RCSD1: variants seen among roughly 807,000 people sequenced by gnomAD.
RCSD1 encodes RCSD domain containing 1, also known as capZ-interacting protein.
Under a neutral mutation model 42.5 loss-of-function variants are expected in RCSD1, and 26 were observed. That is an observed-to-expected ratio of 0.61 (90% CI 0.45 to 0.85). The LOEUF is 0.85. RCSD1 is among the 40% of genes least tolerant of loss of function. RCSD1 has a pLI of 0.00. For missense variants in RCSD1, 571 were observed against 528.3 expected (o/e 1.08, Z -0.79); for synonymous variants, 220 against 212.2 (o/e 1.04, Z -0.32).
intron 1 of RCSD1, among the ~76,000 whole-genome samples, chr1:167,665,497 G>A (rs906107552): frequency 1.3e-5 from 2 of 152,142 alleles, no homozygotes; most frequent in African/African-American, 2.4e-5. Flanking sequence ...ATTGTTGGTA[G>A]GTGTAGTGTA....
chr1:167,655,438 G>T (rs914815594), intron 1 of RCSD1, among the ~76,000 whole-genome samples: 3 of 152,144 alleles, frequency 2.0e-5, no homozygotes, highest in Non-Finnish European at 4.4e-5. Flanking sequence ...CTGTCTACAG[G>T]TGTTTCCTAT....
chr1:167,696,392 G>A (rs1364911774), intron 5 of RCSD1, among the ~76,000 whole-genome samples: 3 of 151,652 alleles, frequency 2.0e-5, no homozygotes, highest in African/African-American at 7.3e-5. Context: ...AAACTTGTAA[G>A]ATGGTAAAAC....
At chr1:167,699,779 C>T (rs758140655) in intron 6 of RCSD1, among the ~76,000 whole-genome samples, 1 of 152,212 alleles carries the variant, frequency 6.6e-6, no homozygotes, top group Non-Finnish European at 1.5e-5. Flanking sequence ...ATACAGCAAG[C>T]TCATTCCCAC....
intron 1 of RCSD1, among the ~76,000 whole-genome samples, chr1:167,656,629 G>A (rs1366060845): frequency 6.6e-6 from 1 of 152,226 alleles, no homozygotes; most frequent in African/African-American, 2.4e-5. Context: ...GGCTAGAGCT[G>A]AGGAACAGCA....
At chr1:167,686,986 T>C (rs778209631) in intron 3 of RCSD1, among the ~76,000 whole-genome samples, 2 of 152,158 alleles carry the variant, frequency 1.3e-5, no homozygotes, top group Non-Finnish European at 2.9e-5. Context: ...TTTTATCCCC[T>C]AGAGTAAAAG....
chr1:167,668,671 C>A (rs1279512044), intron 1 of RCSD1, among the ~76,000 whole-genome samples: 1 of 151,834 alleles, frequency 6.6e-6, no homozygotes, highest in Admixed American at 6.6e-5. Context: ...TTCCTAAACC[C>A]TGAGCACCAA....
chr1:167,701,594 C>T (rs1328183992), intron 6 of RCSD1, among the ~76,000 whole-genome samples: 2 of 152,188 alleles, frequency 1.3e-5, no homozygotes, highest in Admixed American at 1.3e-4. Context: ...GAGGGAGCCA[C>T]TATGCCCAGC....
chr1:167,660,659 C>A (rs2102213708), intron 1 of RCSD1, among the ~76,000 whole-genome samples: 1 of 152,176 alleles, frequency 6.6e-6, no homozygotes, highest in African/African-American at 2.4e-5. Context: ...TTTTGTGTAG[C>A]AATGGAGTCT....
At chr1:167,658,889 A>G (rs1658484091) in intron 1 of RCSD1, among the ~76,000 whole-genome samples, 1 of 151,894 alleles carries the variant, frequency 6.6e-6, no homozygotes, top group African/African-American at 2.4e-5. Context: ...ATTTATGTCT[A>G]TGGGGTAGAT....
At chr1:167,631,774 C>T (rs1235850664) in intron 1 of RCSD1, among the ~76,000 whole-genome samples, 1 of 152,232 alleles carries the variant, frequency 6.6e-6, no homozygotes. Flanking sequence ...GCATGAGCCA[C>T]ACCACTCCTG....
rs1051387259 is a variant in RCSD1 at position 167,708,234 on chromosome 1, A to G, written c.*3538A>G. ...TCTACAAGGCTTGCAAAGGTGAGCAAGAAGATTCCCCAAAGTGAAATCAGG... is the reference window on the plus strand; with the variant it reads ...TCTACAAGGCTTGCAAAGGTGAGCAGGAAGATTCCCCAAAGTGAAATCAGG... On this transcript the variant is annotated 3_prime_UTR_variant, in exon 7 of 7. Transcript: ENST00000367854. 6.6e-6 allele frequency among the ~76,000 whole-genome samples: 1 copy of G among 152,260 alleles called. No individual in the cohort carries two copies. Among genetic ancestry groups the G allele is most frequent in the African/African-American group, 2.4e-5 (1 of 41,474 alleles).
chr1:167,631,246 G>GAA (rs1657689534), intron 1 of RCSD1, among the ~76,000 whole-genome samples: 1 of 152,230 alleles, frequency 6.6e-6, no homozygotes, highest in African/African-American at 2.4e-5. Flanking sequence ...TGCACATCTT[G>GAA]AGGCTTCCCT....
chr1:167,699,467 T>C (rs1659589076), intron 6 of RCSD1, among the ~76,000 whole-genome samples: 2 of 152,116 alleles, frequency 1.3e-5, no homozygotes, highest in South Asian at 4.1e-4. Flanking sequence ...TCATGGCATC[T>C]CTTGGCATCT....
In RCSD1 at chr1:167,630,271, C is replaced by A; in HGVS notation, c.-153C>A. 2 of 774,670 alleles carry A rather than the reference C, an allele frequency of 2.6e-6. No individual in the cohort carries two copies. Among genetic ancestry groups the A allele is most frequent in the Non-Finnish European group, 1.8e-6 (1 of 569,560 alleles). 48.0% of individuals were successfully genotyped at this position (774,670 alleles called of 1,614,324 possible). A position where few individuals can be genotyped will look rare whatever the true frequency, so the allele number is the denominator to read the frequency against. On this transcript the variant is annotated 5_prime_UTR_variant, in exon 1 of 7. Transcript: ENST00000367854. ...CCCCGCGGCCGGGGCAGTCCCGCAG[C>A]CGAGCGCAGCCGGGCGCGCGCCACC...
rs763550256 is a variant in RCSD1, at chr1:167,685,480, C to A, written c.168C>A (p.Pro56=). 6 of 1,613,852 alleles carry A rather than the reference C, an allele frequency of 3.7e-6. No homozygotes were observed. Among genetic ancestry groups the A allele is most frequent in the African/African-American group, 2.7e-5 (2 of 74,908 alleles). ...KPPCSLPLFP[P]KVDLGQNGEE... ...CCTGTTCCCTCCCCCTGTTCCCCCC[C>A]AAGGTAGACCTGGGCCAGAATGGTG... Residue 56 remains proline (P), a synonymous_variant, in exon 3 of 7, where the codon CCC becomes CCA. Transcript: ENST00000367854.
rs376182075 is a variant in RCSD1 at position 167,685,396 on chromosome 1, T to C, written c.109-25T>C. On this transcript the variant is annotated intron_variant, in intron 2 of 6. Coordinates refer to ENST00000367854, the MANE Select transcript of RCSD1 (RefSeq NM_052862.4). ...GATCAGTGCTCTCTTTTTCTCTGTG[T>C]GTCTGTCTGTCGCCCTCCCTCCAGA... 20 of 1,593,376 alleles carry C rather than the reference T, an allele frequency of 1.3e-5. No individual in the cohort carries two copies. In the African/African-American group the frequency reaches 2.4e-4, roughly 19 times the overall value.
chr1:167,630,504 C>A, intron 1 of RCSD1, 75 bp downstream of exon 1: 1 of 1,412,992 alleles, frequency 7.1e-7, no homozygotes, highest in South Asian at 1.5e-5. Flanking sequence ...GGGCGGCTGC[C>A]CCTGCCCTGA....
intron 1 of RCSD1, among the ~76,000 whole-genome samples, chr1:167,666,399 G>A (rs1214613877): frequency 6.6e-6 from 1 of 152,200 alleles, no homozygotes; most frequent in African/African-American, 2.4e-5. Context: ...CAGTAAATTA[G>A]CTGTTTTATT....
In RCSD1 at chr1:167,630,255, C is replaced by G; in HGVS notation, c.-169C>G. On this transcript the variant is annotated 5_prime_UTR_variant, in exon 1 of 7. Transcript: ENST00000367854. ...TTCTCTCGCGCAGGGCCCCCGCGGC[C>G]GGGGCAGTCCCGCAGCCGAGCGCAG... is the stretch of plus-strand genomic sequence containing the variant. 1 of 546,728 alleles carries G rather than the reference C, an allele frequency of 1.8e-6. No individual in the cohort carries two copies. Among genetic ancestry groups the G allele is most frequent in the Non-Finnish European group, 2.7e-6 (1 of 369,218 alleles). 33.9% of individuals were successfully genotyped at this position (546,728 alleles called of 1,614,324 possible). A position where few individuals can be genotyped will look rare whatever the true frequency, so the allele number is the denominator to read the frequency against.
Sources: gnomAD v4.1 joint callset for allele counts (sites outside exome capture counted in the v4.1 genomes callset) on GRCh38, gnomAD v4.1.1 for gene constraint, MANE v1.5 for transcripts, NCBI Gene and HGNC (gene_info 2026-07-23, HGNC 2026-07-21) for gene names.